Variants in ENOX1 observed in about 807,000 individuals in gnomAD.
ENOX1 encodes the protein candidate growth-related and time keeping constitutive hydroquinone (NADH) oxidase.
ENOX1 carries 42 observed loss-of-function variants against 82.5 expected under a neutral mutation model. That is an observed-to-expected ratio of 0.51 (90% confidence interval 0.40 to 0.66). The LOEUF is 0.66. Among genes scored for constraint, ENOX1 ranks in the 30% least tolerant of loss-of-function variants. The pLI, the probability that ENOX1 is intolerant of heterozygous loss-of-function variation, is 0.00. For synonymous variants in ENOX1, 271 were observed against 282.2 expected, an observed-to-expected ratio of 0.96 and a Z score of 0.40; for missense variants, 608 against 811.6, an observed-to-expected ratio of 0.75 and a Z score of 3.05.
At chr13:43,570,596 T>C (rs78167401) in intron 2 of ENOX1, among the ~76,000 whole-genome samples, 5,007 of 152,192 alleles carry the variant, frequency 0.033, 268 homozygotes, top group African/African-American at 0.11. Flanking sequence ...TTTTCTAATA[T>C]GAAGAAAGGG....
chr13:43,544,449 T>G (rs1173302978), intron 2 of ENOX1: 1 of 152,106 alleles, frequency 6.6e-6, no homozygotes, highest in East Asian at 1.9e-4. Context: ...ACCTCATATA[T>G]AAGCAGGCCT....
At chr13:43,491,506 T>C (rs925672738) in intron 2 of ENOX1, among the ~76,000 whole-genome samples, 19 of 152,214 alleles carry the variant, frequency 1.2e-4, no homozygotes, top group Non-Finnish European at 1.6e-4. Context: ...CTGTGGCTCA[T>C]GCCTGTAATC....
chr13:43,424,859 G>T (rs996100320), intron 3 of ENOX1, among the ~76,000 whole-genome samples: 3 of 152,130 alleles, frequency 2.0e-5, no homozygotes, highest in Non-Finnish European at 2.9e-5. Flanking sequence ...GGCATGATGG[G>T]GTAGTTAGGG....
At chr13:43,697,857 G>T (rs945698786) in intron 1 of ENOX1, among the ~76,000 whole-genome samples, 2 of 152,164 alleles carry the variant, frequency 1.3e-5, no homozygotes, top group African/African-American at 4.8e-5. Context: ...GCTACTTACT[G>T]TAGATGAAGC....
At chr13:43,766,997 C>G (rs1172345125) in intron 1 of ENOX1, among the ~76,000 whole-genome samples, 3 of 151,928 alleles carry the variant, frequency 2.0e-5, no homozygotes, top group Non-Finnish European at 2.9e-5. Flanking sequence ...AAATAACTCT[C>G]TAATCTGCAT....
chr13:43,618,283 ATTTGCT>A (rs745401428), intron 2 of ENOX1, among the ~76,000 whole-genome samples: 3 of 151,884 alleles, frequency 2.0e-5, no homozygotes, highest in Non-Finnish European at 4.4e-5. Flanking sequence ...GTTTTTATTG[ATTTGCT>A]TTTGAGTTTT....
intron 1 of ENOX1, among the ~76,000 whole-genome samples, chr13:43,679,884 C>G (rs116288643): frequency 0.021 from 3,184 of 152,318 alleles, 106 homozygotes; most frequent in African/African-American, 0.07. Context: ...ACTTCTTTCT[C>G]TCACCTGAAT....
At chr13:43,280,938 C>T (rs1487441339) in intron 12 of ENOX1, among the ~76,000 whole-genome samples, 10 of 152,096 alleles carry the variant, frequency 6.6e-5, no homozygotes, top group Non-Finnish European at 1.3e-4. Context: ...GCTCCTTCCC[C>T]CAAAGTTTCC....
At chr13:43,521,329 C>T (rs145394690) in intron 2 of ENOX1, among the ~76,000 whole-genome samples, 145 of 152,128 alleles carry the variant, frequency 9.5e-4, no homozygotes, top group Middle Eastern at 3.4e-3. Context: ...GGGTACAACC[C>T]GATGTGATGA....
chr13:43,533,150 G>A (rs2078303147), intron 2 of ENOX1, among the ~76,000 whole-genome samples: 1 of 151,978 alleles, frequency 6.6e-6, no homozygotes. Flanking sequence ...ATCCTAAAGG[G>A]CCTGGTGAGA....
At chr13:43,464,730 T>C (rs1019464824) in intron 3 of ENOX1, among the ~76,000 whole-genome samples, 3 of 152,164 alleles carry the variant, frequency 2.0e-5, no homozygotes, top group South Asian at 2.1e-4. Context: ...GAAGCCAACA[T>C]TGGTGCATCA....
rs56048836 is a variant in ENOX1 at position 43,618,977 on chromosome 13, ATT to A, written c.-219+48500_-219+48501del. Among the ~76,000 whole-genome samples, 218 of 116,938 alleles carry A rather than the reference ATT, an allele frequency of 1.9e-3. 3 individuals carry two copies. The East Asian group carries it at 0.02, about 11-fold the overall frequency. 76.7% of individuals were successfully genotyped at this position (116,938 alleles called of 152,430 possible). A position where few individuals can be genotyped will look rare whatever the true frequency, so the allele number is the denominator to read the frequency against. On this transcript the variant is annotated intron_variant, in intron 2 of 16. Coordinates refer to ENST00000690772, the MANE Select transcript of ENOX1 (RefSeq NM_001347969.2). ...ACTCCTTGGTTAGGTATAGTCCTAA[ATT>A]TTTTTTTTTTTTTTTTTTGCAGCTA...
At chr13:43,685,666 T>C (rs987701414) in intron 1 of ENOX1, among the ~76,000 whole-genome samples, 1 of 152,084 alleles carries the variant, frequency 6.6e-6, no homozygotes, top group Admixed American at 6.6e-5. Flanking sequence ...TAATGAATTA[T>C]GAACATCTGT....
chr13:43,451,634 A>G (rs1415794789), intron 3 of ENOX1, among the ~76,000 whole-genome samples: 1 of 152,202 alleles, frequency 6.6e-6, no homozygotes, highest in Non-Finnish European at 1.5e-5. Flanking sequence ...TGTTTTTATT[A>G]AAAAAGATAC....
At chr13:43,694,778 C>T (rs1468766087) in intron 1 of ENOX1, among the ~76,000 whole-genome samples, 1 of 152,142 alleles carries the variant, frequency 6.6e-6, no homozygotes, top group African/African-American at 2.4e-5. Flanking sequence ...TCACTTCTAC[C>T]CTTCCTCAGT....
chr13:43,330,627 A>G (rs1593975575), intron 9 of ENOX1, among the ~76,000 whole-genome samples: 1 of 152,194 alleles, frequency 6.6e-6, no homozygotes, highest in South Asian at 2.1e-4. Context: ...GATCATAAGA[A>G]AATTAAAAAT....
chr13:43,483,571 A>G (rs2058588236), intron 3 of ENOX1, among the ~76,000 whole-genome samples: 1 of 152,230 alleles, frequency 6.6e-6, no homozygotes, highest in Admixed American at 6.5e-5. Flanking sequence ...CTGAGTTTTT[A>G]TAATTTGAAA....
In ENOX1 at chr13:43,630,860, T is replaced by TATACACACACACACAC. The variant is rs34023929; in HGVS notation, c.-219+36618_-219+36619insGTGTGTGTGTGTGTAT. On this transcript the variant is annotated intron_variant, in intron 2 of 16. Transcript: ENST00000690772. ...CCACACACACACATATATATATATA[T>TATACACACACACACAC]ACACACACACACACATATATATACA... is the stretch of plus-strand genomic sequence containing the variant. Among the ~76,000 whole-genome samples, 27 of 147,796 alleles carry TATACACACACACACAC rather than the reference T, an allele frequency of 1.8e-4. No homozygotes were observed. In the South Asian group the frequency reaches 1.9e-3, roughly 11 times the overall value.
chr13:43,271,015 A>G (rs902220255), intron 12 of ENOX1, among the ~76,000 whole-genome samples: 1 of 152,164 alleles, frequency 6.6e-6, no homozygotes, highest in African/African-American at 2.4e-5. Context: ...CTTCATTCAC[A>G]TTCCTGACTG....
Sources: gnomAD v4.1 joint callset for allele counts (sites outside exome capture counted in the v4.1 genomes callset) on GRCh38, gnomAD v4.1.1 for gene constraint, MANE v1.5 for transcripts, NCBI Gene and HGNC (gene_info 2026-07-23, HGNC 2026-07-21) for gene names.